The following DTX1 variants were observed in gnomAD, a reference collection of about 807,000 sequenced individuals.
DTX1 encodes deltex E3 ubiquitin ligase 1, also known as E3 ubiquitin-protein ligase DTX1.
Under a neutral mutation model 57.8 loss-of-function variants are expected in DTX1, and 26 were observed. The ratio of observed to expected loss-of-function variants is 0.45; its 90% CI spans 0.33 to 0.62. DTX1 has a LOEUF of 0.62. DTX1 is among the 20% of genes least tolerant of loss of function. DTX1 has a pLI of 0.02. For missense variants in DTX1, 704 were observed against 895.3 expected, an observed-to-expected ratio of 0.79 and a Z score of 2.73; for synonymous variants, 398 against 394.1, an observed-to-expected ratio of 1.01 and a Z score of -0.12.
intron 2 of DTX1, among the ~76,000 whole-genome samples, chr12:113,067,255 T>C (rs939274601): frequency 3.3e-5 from 5 of 151,874 alleles, no homozygotes. Context: ...AGCACAGAGT[T>C]TACCTGGAAT....
In DTX1 at chr12:113,077,459, C is replaced by G. The variant is rs781769396; in HGVS notation, c.295C>G (p.Pro99Ala). 3 of 1,611,456 alleles carry G rather than the reference C, an allele frequency of 1.9e-6. No individual in the cohort carries two copies. Among genetic ancestry groups the G allele is most frequent in the Non-Finnish European group, 2.5e-6 (3 of 1,179,754 alleles). The change falls in exon 3 of 10, where the codon CCG becomes GCG. Residue 99 changes from proline to alanine, a missense_variant. Coordinates refer to ENST00000548759, the MANE Select transcript of DTX1 (RefSeq NM_004416.3). This position sits in a 1 kb window ranked among gnomAD's most constrained non-coding sequence, Gnocchi z 7.8. ...MRPVRRNFYD[P>A]SSAPGKGIVW... ...GCCCGTGCGGCGCAACTTCTACGAC[C>G]CGTCGTCGGCGCCGGGCAAGGGCAT...
chr12:113,084,819 A>G (rs2044843732), intron 3 of DTX1, among the ~76,000 whole-genome samples: 1 of 152,202 alleles, frequency 6.6e-6, no homozygotes, highest in African/African-American at 2.4e-5. Flanking sequence ...TAGGACTCAG[A>G]TTCAAAAACC....
chr12:113,073,507 G>C (rs1182904992), intron 2 of DTX1, among the ~76,000 whole-genome samples: 1 of 152,106 alleles, frequency 6.6e-6, no homozygotes, highest in African/African-American at 2.4e-5. Flanking sequence ...TTATTTCCTG[G>C]GGCTGGGCTG....
At chr12:113,076,077 T>C (rs1281392781) in intron 2 of DTX1, among the ~76,000 whole-genome samples, 1 of 151,620 alleles carries the variant, frequency 6.6e-6, no homozygotes, top group African/African-American at 2.4e-5. Context: ...CATTTTTAAA[T>C]AGGATGATGG....
At position 113,077,549 on chromosome 12, in the gene DTX1, A is replaced by C; in HGVS notation, c.385A>C (p.Ile129Leu). 6.2e-7 allele frequency: 1 copy of C among 1,613,804 alleles called. No homozygotes were observed. Among genetic ancestry groups the C allele is most frequent in the East Asian group, 2.2e-5 (1 of 44,866 alleles). ...TAYDMDICIT[I>L]QNAYEKQHPW... ...CTACGATATGGACATCTGCATCACC[A>C]TCCAGAACGCCTACGAGAAGCAGCA... Residue 129 changes from isoleucine to leucine, a missense_variant, in exon 3 of 10, where the codon ATC becomes CTC. Physicochemically the swap from Ile to Leu is conservative, Grantham distance 5. This residue lies in a region of DTX1 where 237 missense variants were observed against 328.6 expected (regional missense o/e 0.72). Transcript: ENST00000548759. The surrounding 1 kb of genome is among the most constrained non-coding windows in gnomAD (Gnocchi z 7.8).
intron 2 of DTX1, among the ~76,000 whole-genome samples, chr12:113,062,030 CAT>C (rs1555232505): frequency 8.4e-6 from 1 of 119,746 alleles, no homozygotes; most frequent in Non-Finnish European, 1.7e-5. Context: ...TATTATATTT[CAT>C]ACACACACAC....
chr12:113,094,610 AG>A (rs1435376233), intron 6 of DTX1, among the ~76,000 whole-genome samples, 178 bp from the exon 7 acceptor site: 2 of 152,252 alleles, frequency 1.3e-5, no homozygotes, highest in Non-Finnish European at 2.9e-5. Flanking sequence ...AAAATAACGA[AG>A]AAGAAGAAAA....
At chr12:113,090,330 C>G (rs1950237521) in intron 3 of DTX1, among the ~76,000 whole-genome samples, 1 of 152,130 alleles carries the variant, frequency 6.6e-6, no homozygotes, top group African/African-American at 2.4e-5. Context: ...AGCTGCCCCC[C>G]TGAGGAAGGC....
intron 3 of DTX1, among the ~76,000 whole-genome samples, chr12:113,091,441 G>A (rs575706153): frequency 1.3e-5 from 2 of 152,208 alleles, no homozygotes; most frequent in African/African-American, 4.8e-5. Context: ...GTATCTGTGT[G>A]TCTGTGTGTG....
intron 3 of DTX1, among the ~76,000 whole-genome samples, chr12:113,086,229 A>C (rs2044856102): frequency 6.6e-6 from 1 of 151,618 alleles, no homozygotes; most frequent in Non-Finnish European, 1.5e-5. Context: ...ACTGCACTCC[A>C]GCCTGGGTGG....
intron 2 of DTX1, among the ~76,000 whole-genome samples, chr12:113,074,060 G>A (rs1043997567): frequency 3.3e-5 from 5 of 152,026 alleles, no homozygotes; most frequent in Non-Finnish European, 5.9e-5. Context: ...GTGAAATCCC[G>A]TCTCTACGAA....
chr12:113,057,248 A>C (rs1410334516), intron 1 of DTX1, among the ~76,000 whole-genome samples: 1 of 151,716 alleles, frequency 6.6e-6, no homozygotes, highest in Non-Finnish European at 1.5e-5. Flanking sequence ...CCAGGCGGAG[A>C]GTCTCGGAAA....
chr12:113,089,746 T>A (rs1235363837), intron 3 of DTX1: 1 of 152,270 alleles, frequency 6.6e-6, no homozygotes, highest in East Asian at 1.9e-4. Context: ...AGTCCCACAG[T>A]GACACCCCAC....
chr12:113,095,017 C>T (rs757235984), intron 7 of DTX1, 25 bp from the exon 8 acceptor site: 5 of 1,604,150 alleles, frequency 3.1e-6, no homozygotes, highest in Admixed American at 3.3e-5. Context: ...GTGCTGGGAA[C>T]TCACTGCCAG....
Position 113,093,301 on chromosome 12 carries a change from C to T in DTX1, c.1003+78C>T. On this transcript the variant is annotated intron_variant, in intron 4 of 9. Coordinates refer to ENST00000548759, the MANE Select transcript of DTX1 (RefSeq NM_004416.3). The surrounding 1 kb of genome is among the most constrained non-coding windows in gnomAD (Gnocchi z 4.2). ...TCCGCCTGTCACCCGGTGACCCCGC[C>T]CCCGAGATGGGCTGGTGAGCGTGGC... is the stretch of plus-strand genomic sequence containing the variant. 6.7e-7 allele frequency: 1 copy of T among 1,488,886 alleles called. No individual in the cohort carries two copies. Among genetic ancestry groups the T allele is most frequent in the Non-Finnish European group, 9.1e-7 (1 of 1,097,272 alleles). The allele number at this position is 1,488,886 out of a possible 1,614,324, so 92.2% of individuals were successfully genotyped here. A position where few individuals can be genotyped will look rare whatever the true frequency, so the allele number is the denominator to read the frequency against.
In DTX1 at chr12:113,093,509, C is replaced by T. The variant is rs371426051; in HGVS notation, c.1004-30C>T. On this transcript the variant is annotated intron_variant, in intron 4 of 9. Transcript: ENST00000548759. This position sits in a 1 kb window ranked among gnomAD's most constrained non-coding sequence, Gnocchi z 4.2. ...GGGGGTTTGGGCGGGGATGGCGCCCCGCCCTGTGACTGCGCCCCCTAACCC... is the reference window on the plus strand; with the variant it reads ...GGGGGTTTGGGCGGGGATGGCGCCCTGCCCTGTGACTGCGCCCCCTAACCC... 4.2e-4 allele frequency: 663 copies of T among 1,562,858 alleles called. 1 individual carries two copies. The highest frequency in any genetic ancestry group is 6.2e-4 in the Admixed American group (33 of 52,966).
At chr12:113,074,253 A>G (rs1290760097) in intron 2 of DTX1, among the ~76,000 whole-genome samples, 2 of 152,204 alleles carry the variant, frequency 1.3e-5, no homozygotes, top group African/African-American at 4.8e-5. Context: ...TCAGTCAGGT[A>G]ATGCCAAGTG....
At chr12:113,057,266 C>T (rs1011606142) in intron 1 of DTX1, among the ~76,000 whole-genome samples, 183 bp from the exon 2 acceptor site, 8 of 152,236 alleles carry the variant, frequency 5.3e-5, no homozygotes, top group African/African-American at 1.9e-4. Context: ...AAAACCGCGC[C>T]CCCGGCCCCT....
chr12:113,069,085 C>G (rs1329724004), intron 2 of DTX1, among the ~76,000 whole-genome samples: 1 of 152,194 alleles, frequency 6.6e-6, no homozygotes, highest in African/African-American at 2.4e-5. Context: ...AGTTGACTTA[C>G]ACGAAGCATT....
Sources: allele counts gnomAD v4.1 joint callset (sites outside exome capture counted in the v4.1 genomes callset), GRCh38; gene constraint gnomAD v4.1.1; regional missense constraint gnomAD v4.1.1; non-coding constraint Gnocchi (gnomAD v3.1); transcripts MANE v1.5; gene names NCBI Gene and HGNC (gene_info 2026-07-23, HGNC 2026-07-21).